ADAMTS6: variants seen among roughly 807,000 people sequenced by gnomAD.
ADAMTS6 encodes A disintegrin and metalloproteinase with thrombospondin motifs 6.
ADAMTS6 carries 23 observed loss-of-function variants against 144.3 expected under a neutral mutation model. The observed-to-expected ratio is 0.16, with a 90% CI of 0.11 to 0.23. The LOEUF (loss-of-function observed/expected upper bound fraction) is 0.23. Ranked by LOEUF, ADAMTS6 falls within the 10% of genes least tolerant of loss-of-function variation. ADAMTS6 has a pLI of 1.00. For missense variants in ADAMTS6, 999 were observed against 1,379.6 expected, an observed-to-expected ratio of 0.72 and a Z score of 4.37; for synonymous variants, 444 against 457.5, an observed-to-expected ratio of 0.97 and a Z score of 0.38.
chr5:65,460,594 CACA>C (rs1248393937), intron 3 of ADAMTS6, among the ~76,000 whole-genome samples: 1 of 152,202 alleles, frequency 6.6e-6, no homozygotes, highest in Non-Finnish European at 1.5e-5. Flanking sequence ...CCTCCAATCT[CACA>C]ACGACTCTGT....
chr5:65,342,080 G>A (rs1211103507), intron 7 of ADAMTS6, among the ~76,000 whole-genome samples: 3 of 151,962 alleles, frequency 2.0e-5, no homozygotes, highest in African/African-American at 7.3e-5. Flanking sequence ...ATAGAATGAA[G>A]GACAAAACCC....
At chr5:65,325,757 T>A (rs574266113) in intron 9 of ADAMTS6, among the ~76,000 whole-genome samples, 1 of 152,276 alleles carries the variant, frequency 6.6e-6, no homozygotes, top group Admixed American at 6.5e-5. Flanking sequence ...CCTCTCAAAA[T>A]GCTGGAATTA....
chr5:65,375,696 A>C (rs1751465547), intron 7 of ADAMTS6, among the ~76,000 whole-genome samples: 1 of 152,140 alleles, frequency 6.6e-6, no homozygotes, highest in Non-Finnish European at 1.5e-5. Context: ...TGTGGAAGTC[A>C]GTGTGGCGAT....
chr5:65,307,207 A>G (rs1345842995), intron 9 of ADAMTS6, among the ~76,000 whole-genome samples: 5 of 152,358 alleles, frequency 3.3e-5, no homozygotes, highest in South Asian at 2.1e-4. Context: ...AGAAACTGCC[A>G]AAGTGTCTTC....
At chr5:65,414,383 A>C (rs1755321057) in intron 7 of ADAMTS6, among the ~76,000 whole-genome samples, 1 of 152,074 alleles carries the variant, frequency 6.6e-6, no homozygotes, top group Non-Finnish European at 1.5e-5. Flanking sequence ...TTCACTTGTT[A>C]ACATGTCTTA....
At chr5:65,205,281 C>A (rs115153571) in intron 20 of ADAMTS6, among the ~76,000 whole-genome samples, 5 of 152,206 alleles carry the variant, frequency 3.3e-5, no homozygotes, top group African/African-American at 1.2e-4. Context: ...GTCTCAGAAC[C>A]CTTGTTTGTT....
intron 7 of ADAMTS6, among the ~76,000 whole-genome samples, chr5:65,350,556 T>A (rs985513362): frequency 1.3e-5 from 2 of 152,178 alleles, no homozygotes; most frequent in African/African-American, 2.4e-5. Context: ...CTACATTTTT[T>A]ATTCATATTT....
At chr5:65,329,874 T>C (rs1247951628) in intron 8 of ADAMTS6, among the ~76,000 whole-genome samples, 1 of 152,048 alleles carries the variant, frequency 6.6e-6, no homozygotes, top group African/African-American at 2.4e-5. Flanking sequence ...TTAAGTTTAG[T>C]GGGTTCATAA....
chr5:65,452,298 A>AT (rs1211097282), intron 5 of ADAMTS6, 82 bp from the exon 6 acceptor site: 10 of 1,215,938 alleles, frequency 8.2e-6, no homozygotes, highest in Non-Finnish European at 1.2e-5. Context: ...TGCTAAAACA[A>AT]TTTTTTATAA....
chr5:65,149,566 G>C lies in ADAMTS6; in HGVS notation c.*2270C>G, dbSNP rs1317152264. On this transcript the variant is annotated 3_prime_UTR_variant, in exon 25 of 25. Coordinates refer to ENST00000381055, the MANE Select transcript of ADAMTS6 (RefSeq NM_197941.4). ...GCCAAGGTGCTGTGCAGTGCCTGGG[G>C]GATGGCCCTCACAATGGTAGTTTCC... 6.6e-6 allele frequency: 1 copy of C among 152,552 alleles called. No individual in the cohort carries two copies. The highest frequency in any genetic ancestry group is 6.5e-5 in the Admixed American group (1 of 15,282). The allele number at this position is 152,552 out of a possible 1,614,324, so 9.4% of individuals were successfully genotyped here.
chr5:65,180,553 T>G (rs941005335), intron 22 of ADAMTS6, among the ~76,000 whole-genome samples: 3 of 152,164 alleles, frequency 2.0e-5, no homozygotes, highest in Non-Finnish European at 4.4e-5. Context: ...CTAACCTTAC[T>G]TCAGACAAAC....
intron 3 of ADAMTS6, among the ~76,000 whole-genome samples, chr5:65,463,077 T>TA (rs57197551): frequency 1.8e-3 from 229 of 123,900 alleles, no homozygotes; most frequent in African/African-American, 5.3e-3. Context: ...AGACTCCGTC[T>TA]AAAAAAAAAA....
intron 7 of ADAMTS6, among the ~76,000 whole-genome samples, chr5:65,338,899 C>T (rs958117237): frequency 1.3e-5 from 2 of 151,822 alleles, no homozygotes; most frequent in African/African-American, 4.8e-5. Context: ...CTTATGCCTG[C>T]ATTACAGGCC....
At chr5:65,242,991 T>C (rs1171077504) in intron 14 of ADAMTS6, among the ~76,000 whole-genome samples, 9 of 152,094 alleles carry the variant, frequency 5.9e-5, no homozygotes, top group Non-Finnish European at 8.8e-5. Context: ...TAGCTCTAGA[T>C]TCTATATACC....
chr5:65,304,388 T>C (rs1743732411), intron 9 of ADAMTS6, among the ~76,000 whole-genome samples: 1 of 152,200 alleles, frequency 6.6e-6, no homozygotes, highest in Non-Finnish European at 1.5e-5. Context: ...AAGCAGAAGT[T>C]AGAAGCAACA....
intron 7 of ADAMTS6, among the ~76,000 whole-genome samples, chr5:65,449,236 A>C (rs888191245): frequency 3.9e-5 from 6 of 152,234 alleles, no homozygotes; most frequent in African/African-American, 1.4e-4. Context: ...CTAAAATAAT[A>C]TGATATGAAC....
rs774080344 is a variant in ADAMTS6, at chr5:65,329,440, G to A, written c.1161C>T (p.Cys387=). 2 of 1,612,882 alleles carry A rather than the reference G, an allele frequency of 1.2e-6. No individual in the cohort carries two copies. Among genetic ancestry groups the A allele is most frequent in the South Asian group, 1.1e-5 (1 of 90,966 alleles). ...VAGMCEPERS[C]SINEDIGLGS... ...CCAGGCCAATGTCTTCATTAATGCT[G>A]CAGCTCCTTTCAGGCTCACACATTC... The change falls in exon 9 of 25, where the codon TGC becomes TGT. Residue 387 remains cysteine, a synonymous_variant. Transcript: ENST00000381055.
chr5:65,223,091 T>C (rs1409402560), intron 18 of ADAMTS6, among the ~76,000 whole-genome samples: 2 of 152,122 alleles, frequency 1.3e-5, no homozygotes, highest in African/African-American at 2.4e-5. Flanking sequence ...ATACCAAGTA[T>C]TGACAAGGAT....
intron 18 of ADAMTS6, among the ~76,000 whole-genome samples, chr5:65,219,295 T>C (rs1365130217): frequency 6.6e-6 from 1 of 152,198 alleles, no homozygotes; most frequent in African/African-American, 2.4e-5. Flanking sequence ...AGTGAATAGT[T>C]GTAACACAGA....
Sources: allele counts gnomAD v4.1 joint callset (sites outside exome capture counted in the v4.1 genomes callset), GRCh38; gene constraint gnomAD v4.1.1; transcripts MANE v1.5; gene names NCBI Gene and HGNC (gene_info 2026-07-23, HGNC 2026-07-21).